TSHR: variants seen among roughly 807,000 people sequenced by gnomAD.
TSHR encodes thyroid stimulating hormone receptor, also known as thyrotropin receptor.
Under a neutral mutation model 64.1 loss-of-function variants are expected in TSHR, and 51 were observed. The ratio of observed to expected loss-of-function variants is 0.80; its 90% CI spans 0.64 to 1.01. The LOEUF (loss-of-function observed/expected upper bound fraction) is 1.01, where lower values mean the gene tolerates loss of function less well. Among genes scored for constraint, TSHR ranks in the 50% least tolerant of loss-of-function variants. TSHR has a pLI of 0.00. For missense variants in TSHR, 877 were observed against 942.8 expected (o/e 0.93, Z 0.91); for synonymous variants, 361 against 361.9 (o/e 1.00, Z 0.03).
Position 81,092,608 on chromosome 14 carries a change from TGTGA to T in TSHR, c.545+3_545+6del. The T allele has an allele frequency of 1.9e-6, 3 of 1,613,720 alleles. No individual in the cohort carries two copies. The highest frequency in any genetic ancestry group is 1.1e-5 in the South Asian group (1 of 91,076). On this transcript the variant is annotated splice_donor_variant and splice_donor_region_variant and intron_variant, in intron 6 of 9. Coordinates refer to ENST00000298171, the MANE Select transcript of TSHR (RefSeq NM_000369.5). LOFTEE classifies it high-confidence loss of function. ...GGACTATGCAATGAAACCTTGACAC[TGTGA>T]GTATTACCAGTTCTACTCCCTCCAT...
chr14:81,041,420 A>C (rs772852251), intron 1 of TSHR, among the ~76,000 whole-genome samples: 2 of 152,214 alleles, frequency 1.3e-5, no homozygotes, highest in Non-Finnish European at 2.9e-5. Flanking sequence ...ATGCAGGTAC[A>C]GAAAACCAAA....
At chr14:80,968,866 C>G (rs1187977915) in intron 1 of TSHR, among the ~76,000 whole-genome samples, 3 of 152,166 alleles carry the variant, frequency 2.0e-5, no homozygotes, top group Non-Finnish European at 4.4e-5. Context: ...TATTTGTCCT[C>G]TAGCATGAGA....
At chr14:80,962,033 G>A (rs927948034) in intron 1 of TSHR, among the ~76,000 whole-genome samples, 1 of 152,076 alleles carries the variant, frequency 6.6e-6, no homozygotes, top group Non-Finnish European at 1.5e-5. Context: ...GAGATCCTCC[G>A]GGTTGAATGC....
chr14:80,968,652 T>G (rs1033427901), intron 1 of TSHR, among the ~76,000 whole-genome samples: 13 of 152,196 alleles, frequency 8.5e-5, no homozygotes, highest in Non-Finnish European at 1.6e-4. Flanking sequence ...TTCTGAAAGC[T>G]TAGTTGCCTT....
At chr14:81,014,465 G>A (rs1566763377) in intron 1 of TSHR, 1 of 152,162 alleles carries the variant, frequency 6.6e-6, no homozygotes, top group Non-Finnish European at 1.5e-5. Context: ...TAGAGTGCCT[G>A]AAATGTACTA....
At chr14:80,961,531 T>C (rs1231410057) in intron 1 of TSHR, among the ~76,000 whole-genome samples, 1 of 152,206 alleles carries the variant, frequency 6.6e-6, no homozygotes, top group Non-Finnish European at 1.5e-5. Flanking sequence ...ACCTGAAAGC[T>C]GAAGGGGTTT....
At chr14:81,083,476 A>T (rs979739701) in intron 3 of TSHR, among the ~76,000 whole-genome samples, 1 of 152,140 alleles carries the variant, frequency 6.6e-6, no homozygotes, top group African/African-American at 2.4e-5. Context: ...TTTAAAAAAA[A>T]AAAAAAGGCT....
chr14:81,054,979 C>A (rs1885678168), intron 1 of TSHR, among the ~76,000 whole-genome samples: 1 of 152,162 alleles, frequency 6.6e-6, no homozygotes, highest in African/African-American at 2.4e-5. Flanking sequence ...GGAAAAATGT[C>A]TCCAGGGCAT....
intron 1 of TSHR, among the ~76,000 whole-genome samples, chr14:81,023,167 C>G (rs1313721221): frequency 6.6e-6 from 1 of 152,164 alleles, no homozygotes; most frequent in Non-Finnish European, 1.5e-5. Flanking sequence ...GCAGATTGAC[C>G]TGAATAGGCT....
At chr14:81,030,948 A>C (rs530419676) in intron 1 of TSHR, among the ~76,000 whole-genome samples, 12 of 152,260 alleles carry the variant, frequency 7.9e-5, no homozygotes, top group Non-Finnish European at 1.3e-4. Flanking sequence ...ACCATGTTTT[A>C]ATGCCTTTTA....
At chr14:81,081,120 G>A (rs1887871128) in intron 3 of TSHR, among the ~76,000 whole-genome samples, 1 of 152,080 alleles carries the variant, frequency 6.6e-6, no homozygotes, top group African/African-American at 2.4e-5. Context: ...AGGCTGTAGT[G>A]CACTATGACC....
chr14:81,114,167 G>A (rs1192170136), intron 8 of TSHR, among the ~76,000 whole-genome samples: 1 of 151,920 alleles, frequency 6.6e-6, no homozygotes, highest in Non-Finnish European at 1.5e-5. Flanking sequence ...TATCACTGGG[G>A]GGGAGGAGCC....
chr14:81,025,349 T>G (rs1883992575), intron 1 of TSHR, among the ~76,000 whole-genome samples: 1 of 152,172 alleles, frequency 6.6e-6, no homozygotes, highest in Non-Finnish European at 1.5e-5. Flanking sequence ...CAAAAAAGGA[T>G]TCAATATGTT....
intron 1 of TSHR, among the ~76,000 whole-genome samples, chr14:80,968,383 T>G (rs1057029622): frequency 6.6e-6 from 1 of 152,198 alleles, no homozygotes; most frequent in African/African-American, 2.4e-5. Context: ...CCTTACTTTT[T>G]TTTTTTTTAT....
chr14:81,113,991 G>A (rs1006167163), intron 8 of TSHR, among the ~76,000 whole-genome samples: 1 of 152,068 alleles, frequency 6.6e-6, no homozygotes, highest in South Asian at 2.1e-4. Flanking sequence ...CTGAAAACAG[G>A]ATTATATGAA....
intron 2 of TSHR, among the ~76,000 whole-genome samples, chr14:81,063,662 T>C (rs1886398185): frequency 6.6e-6 from 1 of 152,178 alleles, no homozygotes; most frequent in Admixed American, 6.5e-5. Context: ...AACAGATATT[T>C]ATTGAGCCCT....
intron 3 of TSHR, among the ~76,000 whole-genome samples, chr14:81,074,158 T>C (rs1887320393): frequency 6.6e-6 from 1 of 152,164 alleles, no homozygotes; most frequent in South Asian, 2.1e-4. Context: ...AAAAAGAGAA[T>C]GAGTTTAAAA....
At chr14:81,130,478 C>T (rs1231197763) in intron 8 of TSHR, among the ~76,000 whole-genome samples, 1 of 152,198 alleles carries the variant, frequency 6.6e-6, no homozygotes, top group Non-Finnish European at 1.5e-5. Flanking sequence ...CTCCATACCT[C>T]TGATTGTTCC....
chr14:81,022,106 C>CAAAAAAAAAAA (rs10631450), intron 1 of TSHR, among the ~76,000 whole-genome samples: 3 of 115,540 alleles, frequency 2.6e-5, no homozygotes, highest in African/African-American at 1.1e-4. Context: ...ACTAAAAATA[C>CAAAAAAAAAAA]AAAAAAAAAA....
Sources: gnomAD v4.1 joint callset for allele counts (sites outside exome capture counted in the v4.1 genomes callset) on GRCh38, gnomAD v4.1.1 for gene constraint, MANE v1.5 for transcripts, NCBI Gene and HGNC (gene_info 2026-07-23, HGNC 2026-07-21) for gene names.